KIDINS220: variants seen among roughly 807,000 people sequenced by gnomAD.
KIDINS220 encodes the protein kinase D-interacting substrate of 220 kDa.
In KIDINS220, 63 loss-of-function variants were observed where a neutral mutation model predicts 157.6. The observed-to-expected ratio is 0.40, with a 90% confidence interval of 0.33 to 0.49. KIDINS220 has a LOEUF of 0.49. Ranked by LOEUF, KIDINS220 falls within the 20% of genes least tolerant of loss-of-function variation. The pLI is 0.66. For synonymous variants in KIDINS220, 732 were observed against 783.6 expected (o/e 0.93, Z 1.10); for missense variants, 1,772 against 2,171.2 (o/e 0.82, Z 3.65).
At chr2:8,757,546 C>A in intron 22 of KIDINS220, 1 of 1,472,914 alleles carries the variant, frequency 6.8e-7, no homozygotes, top group East Asian at 2.5e-5. Context: ...CTACCCATTC[C>A]GTTGTCTCAT....
chr2:8,730,679 C>A lies in KIDINS220; in HGVS notation c.*41G>T. The A allele has an allele frequency of 6.3e-7, 1 of 1,575,676 alleles. No homozygotes were observed. On this transcript the variant is annotated 3_prime_UTR_variant, in exon 30 of 30. Transcript: ENST00000256707. ...GAGTCAAAATCCAGGACAATTCTGT[C>A]ATAAAGGTACAGTAACACTCTTCTC... is the stretch of plus-strand genomic sequence containing the variant.
Position 8,730,580 on chromosome 2 carries a change from T to C in KIDINS220, c.*140A>G. On this transcript the variant is annotated 3_prime_UTR_variant, in exon 30 of 30. Coordinates refer to ENST00000256707, the MANE Select transcript of KIDINS220 (RefSeq NM_020738.4). ...ATGCTCCCTTCTGTCACACTGCAGA[T>C]GTCTCTTTTACCTCGGCCTCATCAT... 1 of 1,439,330 alleles carries C rather than the reference T, an allele frequency of 6.9e-7. No individual in the cohort carries two copies. The highest frequency in any genetic ancestry group is 9.1e-7 in the Non-Finnish European group (1 of 1,103,780). The allele number at this position is 1,439,330 out of a possible 1,614,324, so 89.2% of individuals were successfully genotyped here.
intron 22 of KIDINS220, among the ~76,000 whole-genome samples, chr2:8,767,649 A>C (rs1669653257): frequency 6.6e-6 from 1 of 152,188 alleles, no homozygotes; most frequent in Non-Finnish European, 1.5e-5. Flanking sequence ...AAAATGATGG[A>C]GAGAGCAAGC....
At chr2:8,772,677 A>G (rs1670393744) in intron 21 of KIDINS220, among the ~76,000 whole-genome samples, 1 of 152,236 alleles carries the variant, frequency 6.6e-6, no homozygotes, top group African/African-American at 2.4e-5. Context: ...ATCTTCCAAA[A>G]TAATCCAATA....
Position 8,790,042 on chromosome 2 carries a change from C to A in KIDINS220, c.1459G>T (p.Ala487Ser). The A allele has an allele frequency of 6.3e-7, 1 of 1,591,576 alleles. No homozygotes were observed. The highest frequency in any genetic ancestry group is 8.5e-7 in the Non-Finnish European group (1 of 1,174,598). Residue 487 changes from alanine to serine, a missense_variant, in exon 14 of 30, where the codon GCC (alanine) becomes TCC (serine). Around this residue, in one of 3 missense-constraint regions of KIDINS220, gnomAD observed 725 missense variants for 1,017.1 expected, o/e 0.71. Coordinates refer to ENST00000256707, the MANE Select transcript of KIDINS220 (RefSeq NM_020738.4). ...AAGAGAGGCTCAATCTGTTGTCCGG[C>A]GAAGGTTTTCATTTCGTCTGAAAGA... ...KKLEDEMKTF[A>S]GQQIEPLFQF...
chr2:8,835,082 G>A (rs891099618), intron 1 of KIDINS220, among the ~76,000 whole-genome samples: 1 of 152,074 alleles, frequency 6.6e-6, no homozygotes, highest in Non-Finnish European at 1.5e-5. Context: ...CTCCTAGCCT[G>A]AAGTGATCCT....
At chr2:8,758,226 C>T (rs1176219983) in intron 22 of KIDINS220, among the ~76,000 whole-genome samples, 1 of 152,212 alleles carries the variant, frequency 6.6e-6, no homozygotes, top group Non-Finnish European at 1.5e-5. Flanking sequence ...TTAGTAATGA[C>T]TTTTCCAACC....
intron 14 of KIDINS220, among the ~76,000 whole-genome samples, chr2:8,789,236 CAAGAGCATACCAAT>C (rs1672837913): frequency 6.6e-6 from 1 of 150,582 alleles, no homozygotes; most frequent in Non-Finnish European, 1.5e-5. Flanking sequence ...TCAAAATGCT[CAAGAGCATACCAAT>C]GATGGCTTTG....
intron 22 of KIDINS220, among the ~76,000 whole-genome samples, chr2:8,758,632 C>T (rs1371488638): frequency 2.6e-5 from 4 of 152,036 alleles, no homozygotes; most frequent in African/African-American, 7.3e-5. Flanking sequence ...CTTTTTCTAG[C>T]TCCTCGAGGT....
chr2:8,800,260 A>T, intron 9 of KIDINS220, 140 bp downstream of exon 9: 1 of 527,992 alleles, frequency 1.9e-6, no homozygotes, highest in Non-Finnish European at 3.3e-6. Context: ...AGTGAAACTT[A>T]GTAATAATAT....
chr2:8,787,527 C>A, intron 15 of KIDINS220, among the ~76,000 whole-genome samples: 1 of 151,914 alleles, frequency 6.6e-6, no homozygotes, highest in Non-Finnish European at 1.5e-5. Context: ...CACCACCACA[C>A]CCAGCTAATT....
intron 20 of KIDINS220, 143 bp from the exon 21 acceptor site, chr2:8,777,035 T>TTA (rs1414253182): frequency 2.0e-5 from 16 of 810,402 alleles, no homozygotes; most frequent in Middle Eastern, 5.2e-4. Context: ...TAATAAATTA[T>TTA]TATCTGTGAG....
chr2:8,768,754 A>G (rs1195108739), intron 22 of KIDINS220, among the ~76,000 whole-genome samples: 1 of 152,154 alleles, frequency 6.6e-6, no homozygotes, highest in Non-Finnish European at 1.5e-5. Context: ...GAACTCAACT[A>G]CAGTTAACTA....
chr2:8,815,789 T>C (rs912848723), intron 4 of KIDINS220, among the ~76,000 whole-genome samples: 4 of 152,220 alleles, frequency 2.6e-5, no homozygotes, highest in Non-Finnish European at 4.4e-5. Context: ...CAATTAACTA[T>C]AGTGTAGCTT....
downstream of KIDINS220, chr2:8,727,002 C>G: frequency 1.7e-6 from 2 of 1,161,688 alleles, no homozygotes; most frequent in South Asian, 2.6e-5. Context: ...TAATCAGTCT[C>G]AACCAGGGAT....
At chr2:8,797,068 C>T (rs906517610) in intron 10 of KIDINS220, among the ~76,000 whole-genome samples, 199 bp from the exon 11 acceptor site, 3 of 152,188 alleles carry the variant, frequency 2.0e-5, no homozygotes, top group Non-Finnish European at 2.9e-5. Context: ...CTGTAAATCA[C>T]GTAGCCAGGT....
intron 17 of KIDINS220, 29 bp downstream of exon 17, chr2:8,785,712 A>G (rs1672304768): frequency 6.3e-7 from 1 of 1,577,610 alleles, no homozygotes; most frequent in African/African-American, 1.4e-5. Context: ...TCGCATTACA[A>G]TTTTTTCTAA....
intron 21 of KIDINS220, among the ~76,000 whole-genome samples, chr2:8,773,273 G>A (rs544862219): frequency 6.6e-6 from 1 of 152,086 alleles, no homozygotes; most frequent in Non-Finnish European, 1.5e-5. Flanking sequence ...TTTGAAATGT[G>A]GCTTTAGGAA....
chr2:8,789,763 C>T lies in KIDINS220; in HGVS notation c.1621+117G>A, dbSNP rs982212422. ...AGTAGCAAAAAGATCAATTTTCTCA[C>T]CCAATTATGAAAATCACATACAGGT... is the stretch of plus-strand genomic sequence containing the variant. On this transcript the variant is annotated intron_variant, in intron 14 of 29. Transcript: ENST00000256707. The T allele has an allele frequency of 5.0e-5, 41 of 813,090 alleles. No homozygotes were observed. In the Admixed American group the frequency reaches 1.4e-3, roughly 27 times the overall value. The allele number at this position is 813,090 out of a possible 1,614,324, so 50.4% of individuals were successfully genotyped here. A position where few individuals can be genotyped will look rare whatever the true frequency, so the allele number is the denominator to read the frequency against.
Sources: allele counts gnomAD v4.1 joint callset (sites outside exome capture counted in the v4.1 genomes callset), GRCh38; gene constraint gnomAD v4.1.1; regional missense constraint gnomAD v4.1.1; transcripts MANE v1.5; gene names NCBI Gene and HGNC (gene_info 2026-07-23, HGNC 2026-07-21).